The following NPTX1 variants were observed in gnomAD, a reference collection of about 807,000 sequenced individuals.
The protein encoded by NPTX1 is neuronal pentraxin 1.
NPTX1 carries 12 observed loss-of-function variants against 38.7 expected under a neutral mutation model. The ratio of observed to expected loss-of-function variants is 0.31; its 90% CI spans 0.20 to 0.50. NPTX1 has a LOEUF of 0.50. Among genes scored for constraint, NPTX1 ranks in the 20% least tolerant of loss-of-function variants. The probability of loss-of-function intolerance (pLI) is 0.98; values close to 1 mark genes in which losing one functional copy is unlikely to be tolerated. For synonymous variants in NPTX1, 272 were observed against 264.9 expected, an observed-to-expected ratio of 1.03 and a Z score of -0.26; for missense variants, 454 against 592.2, an observed-to-expected ratio of 0.77 and a Z score of 2.42.
In NPTX1 at chr17:80,476,108, C is replaced by G. The variant is rs771956878; in HGVS notation, c.339G>C (p.Ser113=). The G allele has an allele frequency of 1.2e-6, 2 of 1,602,886 alleles. No individual in the cohort carries two copies. The highest frequency in any genetic ancestry group is 2.3e-5 in the East Asian group (1 of 44,102). ...RAGGGRKQPG[S]GKNTMGDLSR... ...ACAGGTCGCCCATGGTGTTCTTGCC[C>G]GAGCCGGGCTGCTTGCGGCCGCCGC... Residue 113 remains serine (S), a synonymous_variant, in exon 1 of 5, where the codon TCG becomes TCC. Transcript: ENST00000306773. This position sits in a 1 kb window ranked among gnomAD's most constrained non-coding sequence, Gnocchi z 6.3.
chr17:80,471,586 G>A, intron 4 of NPTX1, 146 bp downstream of exon 4: 2 of 1,315,598 alleles, frequency 1.5e-6, no homozygotes, highest in Non-Finnish European at 2.0e-6. Context: ...TCCACCCAGG[G>A]CACAGGCCTT....
In NPTX1 at chr17:80,470,633, G is replaced by C; in HGVS notation, c.*180C>G. ...GAGAAGTGGGGCTTCCTCAGGGACA[G>C]ATGGGAGCAGGGGCTGCTTCGTGTG... is the stretch of plus-strand genomic sequence containing the variant. On this transcript the variant is annotated 3_prime_UTR_variant, in exon 5 of 5. Transcript: ENST00000306773. The C allele has an allele frequency of 1.8e-6, 1 of 555,216 alleles. No individual in the cohort carries two copies. The highest frequency in any genetic ancestry group is 2.2e-5 in the South Asian group (1 of 45,068). The allele number at this position is 555,216 out of a possible 1,614,324, so 34.4% of individuals were successfully genotyped here.
In NPTX1 at chr17:80,467,086, C is replaced by T. The variant is rs952220401; in HGVS notation, c.*3727G>A. 6 of 145,750 alleles carry T rather than the reference C, an allele frequency of 4.1e-5. No individual in the cohort carries two copies. The highest frequency in any genetic ancestry group is 1.4e-4 in the Admixed American group (2 of 14,330). 9.0% of individuals were successfully genotyped at this position (145,750 alleles called of 1,614,324 possible). A position where few individuals can be genotyped will look rare whatever the true frequency, so the allele number is the denominator to read the frequency against. On this transcript the variant is annotated 3_prime_UTR_variant, in exon 5 of 5. Coordinates refer to ENST00000306773, the MANE Select transcript of NPTX1 (RefSeq NM_002522.4). ...TACATCGATTCTCTTTCATATTATA[C>T]AGTATATACATTATAACAATATCAA...
rs1216944974 is a variant in NPTX1, at chr17:80,470,129, C to T, written c.*684G>A. 6.6e-6 allele frequency: 1 copy of T among 152,272 alleles called. No homozygotes were observed. Among genetic ancestry groups the T allele is most frequent in the Non-Finnish European group, 1.5e-5 (1 of 68,070 alleles). The allele number at this position is 152,272 out of a possible 1,614,324, so 9.4% of individuals were successfully genotyped here. On this transcript the variant is annotated 3_prime_UTR_variant, in exon 5 of 5. Transcript: ENST00000306773. ...AAGGGCCAGTGTCCTCAGCCATCCC[C>T]TCTCCTCCACGGGAGAGCACAGGGT...
Position 80,476,458 on chromosome 17 carries a change from C to T in NPTX1, c.-12G>A. ...CGGCCGGCCGGCATGGCTGCGGGCACCGGGCGCTCCGGGCCCGGCTCGGCT... is the reference window on the plus strand; with the variant it reads ...CGGCCGGCCGGCATGGCTGCGGGCATCGGGCGCTCCGGGCCCGGCTCGGCT... On this transcript the variant is annotated 5_prime_UTR_variant, in exon 1 of 5. The change creates a new upstream start codon in the 5' untranslated region. Coordinates refer to ENST00000306773, the MANE Select transcript of NPTX1 (RefSeq NM_002522.4). The surrounding 1 kb of genome is among the most constrained non-coding windows in gnomAD (Gnocchi z 6.3). 12 of 1,229,522 alleles carry T rather than the reference C, an allele frequency of 9.8e-6. No homozygotes were observed. Among genetic ancestry groups the T allele is most frequent in the Non-Finnish European group, 1.2e-5 (12 of 988,944 alleles). 76.2% of individuals were successfully genotyped at this position (1,229,522 alleles called of 1,614,324 possible).
At position 80,467,049 on chromosome 17, in the gene NPTX1, GA is replaced by G. The variant is rs2083809231; in HGVS notation, c.*3763del. 6.8e-6 allele frequency: 1 copy of G among 147,496 alleles called. No individual in the cohort carries two copies. The highest frequency in any genetic ancestry group is 2.0e-4 in the East Asian group (1 of 4,966). 9.1% of individuals were successfully genotyped at this position (147,496 alleles called of 1,614,324 possible). A position where few individuals can be genotyped will look rare whatever the true frequency, so the allele number is the denominator to read the frequency against. The stretch of plus-strand genomic sequence containing the variant: ...TGTACAGCTTTGGTTAGCAAATAAT[GA>G]AAAAGTGAGATACATCGATTCTCTT... On this transcript the variant is annotated 3_prime_UTR_variant, in exon 5 of 5. Transcript: ENST00000306773.
In NPTX1 at chr17:80,475,940, G is replaced by A. The variant is rs1238460854; in HGVS notation, c.444+63C>T. The A allele has an allele frequency of 3.6e-6, 5 of 1,388,846 alleles. No individual in the cohort carries two copies. Among genetic ancestry groups the A allele is most frequent in the East Asian group, 2.5e-5 (1 of 40,266 alleles). 86.0% of individuals were successfully genotyped at this position (1,388,846 alleles called of 1,614,324 possible). On this transcript the variant is annotated intron_variant, in intron 1 of 4. Coordinates refer to ENST00000306773, the MANE Select transcript of NPTX1 (RefSeq NM_002522.4). This position sits in a 1 kb window ranked among gnomAD's most constrained non-coding sequence, Gnocchi z 6.5. ...GATGCCTGGCCGGGTAGGGAACGGG[G>A]TGGGGGAGGGCAGAGGGGCGAGCGA...
intron 3 of NPTX1, among the ~76,000 whole-genome samples, chr17:80,472,931 G>T (rs1413294387): frequency 6.6e-6 from 1 of 152,202 alleles, no homozygotes; most frequent in African/African-American, 2.4e-5. Flanking sequence ...GCAGGGCCAG[G>T]CCCCATGGCT....
rs547954450 is a variant in NPTX1, at chr17:80,472,603, C to T, written c.897+597G>A. ...GAACAAGGGCGTGGAATCCACTTCC[C>T]AGCCCAGGTTTTAGCCATTGACTAC... On this transcript the variant is annotated intron_variant, in intron 3 of 4. Coordinates refer to ENST00000306773, the MANE Select transcript of NPTX1 (RefSeq NM_002522.4). 2.0e-5 allele frequency among the ~76,000 whole-genome samples: 3 copies of T among 152,334 alleles called. No individual in the cohort carries two copies. The East Asian group carries it at 5.8e-4, about 29-fold the overall frequency.
chr17:80,475,622 C>T lies in NPTX1; in HGVS notation c.541G>A (p.Val181Met). 1.2e-6 allele frequency: 2 copies of T among 1,612,834 alleles called. No individual in the cohort carries two copies. Among genetic ancestry groups the T allele is most frequent in the East Asian group, 4.5e-5 (2 of 44,872 alleles). ...CCCTTGCCCTCCTCCAGGGTGTTCA[C>T]CCGGGACAGCACCTGCCTCTCCAGC... is the stretch of plus-strand genomic sequence containing the variant. ...DELERQVLSRVNTLEEGKGGP... is the reference protein window; with the variant it reads ...DELERQVLSRMNTLEEGKGGP... Residue 181 changes from valine to methionine, a missense_variant, in exon 2 of 5, where the codon GTG (valine) becomes ATG (methionine). Around this residue, in one of 4 missense-constraint regions of NPTX1, gnomAD observed 288 missense variants for 318.4 expected, o/e 0.90. Coordinates refer to ENST00000306773, the MANE Select transcript of NPTX1 (RefSeq NM_002522.4). This position sits in a 1 kb window ranked among gnomAD's most constrained non-coding sequence, Gnocchi z 6.5.
chr17:80,471,784 G>A lies in NPTX1; in HGVS notation c.1025C>T (p.Ala342Val). 2 of 1,613,202 alleles carry A rather than the reference G, an allele frequency of 1.2e-6. No homozygotes were observed. Among genetic ancestry groups the A allele is most frequent in the South Asian group, 1.1e-5 (1 of 91,090 alleles). ...CTGGGGCTTGATGGGGTGATAGGGCGCCAAGTTCTCGCCACTGCCACCCTG... is the reference window on the plus strand; with the variant it reads ...CTGGGGCTTGATGGGGTGATAGGGCACCAAGTTCTCGCCACTGCCACCCTG... ...GTQGGSGENL[A>V]PYHPIKPQGV... The change falls in exon 4 of 5, where the codon GCG becomes GTG. Residue 342 changes from alanine to valine, a missense_variant. This residue lies in a region of NPTX1 where 110 missense variants were observed against 197.5 expected (regional missense o/e 0.56). Transcript: ENST00000306773.
rs903054985 is a variant in NPTX1, at chr17:80,475,824, G to A, written c.445-106C>T. The A allele has an allele frequency of 4.7e-5, 46 of 985,854 alleles. 1 individual carries two copies. Among genetic ancestry groups the A allele is most frequent in the Non-Finnish European group, 4.6e-5 (32 of 691,616 alleles). The allele number at this position is 985,854 out of a possible 1,614,324, so 61.1% of individuals were successfully genotyped here. A position where few individuals can be genotyped will look rare whatever the true frequency, so the allele number is the denominator to read the frequency against. ...CTCTGGGCGACTGCGGGGGCGGCCTGGCAGGGAGCTGGGGCGAGTGGCCGC... is the reference window on the plus strand; with the variant it reads ...CTCTGGGCGACTGCGGGGGCGGCCTAGCAGGGAGCTGGGGCGAGTGGCCGC... On this transcript the variant is annotated intron_variant, in intron 1 of 4. Transcript: ENST00000306773. This position sits in a 1 kb window ranked among gnomAD's most constrained non-coding sequence, Gnocchi z 6.5.
chr17:80,470,699 G>T lies in NPTX1; in HGVS notation c.*114C>A. 1.4e-6 allele frequency: 1 copy of T among 733,064 alleles called. No individual in the cohort carries two copies. The highest frequency in any genetic ancestry group is 2.7e-5 in the East Asian group (1 of 37,658). The allele number at this position is 733,064 out of a possible 1,614,324, so 45.4% of individuals were successfully genotyped here. ...AGGCTGTGTGCGTGTGCGTGTGCAGGGGCGACGGCCTCGGTTCATTCCTGG... is the reference window on the plus strand; with the variant it reads ...AGGCTGTGTGCGTGTGCGTGTGCAGTGGCGACGGCCTCGGTTCATTCCTGG... On this transcript the variant is annotated 3_prime_UTR_variant, in exon 5 of 5. Transcript: ENST00000306773.
chr17:80,473,405 G>A lies in NPTX1; in HGVS notation c.692C>T (p.Thr231Ile). ...CATATAGTTGGTCCGCAGTGGGAATGTGAGCTGGAACTTGTCTCCAGGGCG... is the reference window on the plus strand; with the variant it reads ...CATATAGTTGGTCCGCAGTGGGAATATGAGCTGGAACTTGTCTCCAGGGCG... Reference protein sequence around the residue: ...DNRPGDKFQLTFPLRTNYMYA... With the variant: ...DNRPGDKFQLIFPLRTNYMYA... Residue 231 changes from threonine to isoleucine, a missense_variant, in exon 3 of 5, where the codon ACA becomes ATA. Transcript: ENST00000306773. 1 of 1,614,050 alleles carries A rather than the reference G, an allele frequency of 6.2e-7. No homozygotes were observed. The highest frequency in any genetic ancestry group is 2.2e-5 in the East Asian group (1 of 44,878).
Position 80,470,524 on chromosome 17 carries a change from C to T in NPTX1, c.*289G>A. The T allele has an allele frequency of 3.3e-6, 1 of 300,458 alleles. No homozygotes were observed. The highest frequency in any genetic ancestry group is 6.3e-6 in the Non-Finnish European group (1 of 158,610). 18.6% of individuals were successfully genotyped at this position (300,458 alleles called of 1,614,324 possible). On this transcript the variant is annotated 3_prime_UTR_variant, in exon 5 of 5. Transcript: ENST00000306773. ...GTAGACACGCACACACAGATCCTCT[C>T]ACCAACTTCTGCCTTGTTCAAGACG...
chr17:80,471,717 C>T lies in NPTX1; in HGVS notation c.1077+15G>A. 2 of 1,605,250 alleles carry T rather than the reference C, an allele frequency of 1.2e-6. No homozygotes were observed. The highest frequency in any genetic ancestry group is 1.7e-6 in the Non-Finnish European group (2 of 1,175,546). The stretch of plus-strand genomic sequence containing the variant: ...TGAAGCTCTCTCCCCTTCCCCACCA[C>T]ATCCAGCACAGTACCTGCTCCTGGC... On this transcript the variant is annotated intron_variant, in intron 4 of 4. Transcript: ENST00000306773.
chr17:80,472,585 G>T (rs1361482125), intron 3 of NPTX1, among the ~76,000 whole-genome samples: 1 of 152,194 alleles, frequency 6.6e-6, no homozygotes, highest in Non-Finnish European at 1.5e-5. Context: ...CAGGAACAAG[G>T]GCGTGGAATC....
chr17:80,470,629 G>T lies in NPTX1; in HGVS notation c.*184C>A. On this transcript the variant is annotated 3_prime_UTR_variant, in exon 5 of 5. Coordinates refer to ENST00000306773, the MANE Select transcript of NPTX1 (RefSeq NM_002522.4). ...TACAGAGAAGTGGGGCTTCCTCAGG[G>T]ACAGATGGGAGCAGGGGCTGCTTCG... 1 of 550,954 alleles carries T rather than the reference G, an allele frequency of 1.8e-6. No homozygotes were observed. The highest frequency in any genetic ancestry group is 3.3e-5 in the Admixed American group (1 of 30,358). The allele number at this position is 550,954 out of a possible 1,614,324, so 34.1% of individuals were successfully genotyped here.
rs371808710 is a variant in NPTX1, at chr17:80,475,482, G to A, written c.652+29C>T. 1.3e-6 allele frequency: 2 copies of A among 1,587,534 alleles called. No homozygotes were observed. The highest frequency in any genetic ancestry group is 1.3e-5 in the African/African-American group (1 of 74,680). On this transcript the variant is annotated intron_variant, in intron 2 of 4. Coordinates refer to ENST00000306773, the MANE Select transcript of NPTX1 (RefSeq NM_002522.4). The surrounding 1 kb of genome is among the most constrained non-coding windows in gnomAD (Gnocchi z 6.5). ...AGGGTCGGGCAAGCAGGTGCAGGCA[G>A]GCAGCACGGCTCCCCCTGGCCCCAG...
Sources: allele counts gnomAD v4.1 joint callset (sites outside exome capture counted in the v4.1 genomes callset), GRCh38; gene constraint gnomAD v4.1.1; regional missense constraint gnomAD v4.1.1; non-coding constraint Gnocchi (gnomAD v3.1); transcripts MANE v1.5; gene names NCBI Gene and HGNC (gene_info 2026-07-23, HGNC 2026-07-21).